The following SFMBT1 variants were observed in gnomAD, a reference collection of about 807,000 sequenced individuals.
The protein encoded by SFMBT1 is scm-like with four MBT domains protein 1.
SFMBT1 carries 32 observed loss-of-function variants against 108.7 expected under a neutral mutation model. The observed-to-expected ratio is 0.29, with a 90% CI of 0.22 to 0.40. The LOEUF (loss-of-function observed/expected upper bound fraction) is 0.40. Ranked by LOEUF, SFMBT1 falls within the 10% of genes least tolerant of loss-of-function variation. The pLI, the probability that SFMBT1 is intolerant of heterozygous loss-of-function variation, is 1.00. For missense variants in SFMBT1, 816 were observed against 1,059.6 expected, an observed-to-expected ratio of 0.77 and a Z score of 3.19; for synonymous variants, 348 against 369.5, an observed-to-expected ratio of 0.94 and a Z score of 0.67.
intron 5 of SFMBT1, among the ~76,000 whole-genome samples, chr3:52,934,325 CAA>C (rs961980397): frequency 1.1e-4 from 17 of 150,266 alleles, no homozygotes; most frequent in Admixed American, 8.0e-4. Flanking sequence ...TTCACAAAAT[CAA>C]GAGATCTATA....
chr3:52,928,653 T>TATATATAC (rs754706976), intron 8 of SFMBT1, among the ~76,000 whole-genome samples: 2 of 18,034 alleles, frequency 1.1e-4, no homozygotes, highest in African/African-American at 2.1e-4. Flanking sequence ...TATATATATA[T>TATATATAC]ACACATATAT....
intron 1 of SFMBT1, among the ~76,000 whole-genome samples, chr3:53,026,287 TAACATG>T (rs1417392224): frequency 6.6e-6 from 1 of 152,132 alleles, no homozygotes; most frequent in Non-Finnish European, 1.5e-5. Context: ...TCCAGTAAGT[TAACATG>T]AACTAAATTT....
At position 52,938,101 on chromosome 3, in the gene SFMBT1, C is replaced by T. The variant is rs891050662; in HGVS notation, c.365-3200G>A. On this transcript the variant is annotated intron_variant, in intron 4 of 20. Transcript: ENST00000394752. ...AAGTATCCTTTGTCAGCTATCAAGACTGACAGCTGGTTTCTTTTCTACTGG... is the reference window on the plus strand; with the variant it reads ...AAGTATCCTTTGTCAGCTATCAAGATTGACAGCTGGTTTCTTTTCTACTGG... Among the ~76,000 whole-genome samples the T allele has an allele frequency of 1.0e-3, 158 of 152,280 alleles. 1 individual carries two copies. Among genetic ancestry groups the T allele is most frequent in the African/African-American group, 3.7e-3 (152 of 41,576 alleles).
chr3:53,020,995 T>G (rs1254079607), intron 1 of SFMBT1, among the ~76,000 whole-genome samples: 1 of 152,072 alleles, frequency 6.6e-6, no homozygotes, highest in Non-Finnish European at 1.5e-5. Context: ...GAAGCAGAGG[T>G]TGCAGTGAGC....
chr3:52,906,359 G>T, intron 19 of SFMBT1, 118 bp from the exon 20 acceptor site: 1 of 1,484,552 alleles, frequency 6.7e-7, no homozygotes, highest in Non-Finnish European at 9.2e-7. Context: ...CTTAGGACAT[G>T]ATTTCTCCCA....
At chr3:53,038,718 T>C (rs1699941826) in intron 1 of SFMBT1, among the ~76,000 whole-genome samples, 1 of 152,188 alleles carries the variant, frequency 6.6e-6, no homozygotes, top group African/African-American at 2.4e-5. Context: ...AAATCTAAAA[T>C]ACAAAGCATT....
rs761393071 is a variant in SFMBT1 at position 52,996,576 on chromosome 3, G to T, written c.-130-27318C>A. Among the ~76,000 whole-genome samples the T allele has an allele frequency of 2.3e-4, 35 of 149,936 alleles. 3 individuals are homozygous for T. Among genetic ancestry groups the T allele is most frequent in the Non-Finnish European group, 4.2e-4 (28 of 66,942 alleles). On this transcript the variant is annotated intron_variant, in intron 1 of 20. Transcript: ENST00000394752. The stretch of plus-strand genomic sequence containing the variant: ...CTTCAGCAAAGAAAATATATGAATG[G>T]CAAGCACATGAAAAGATAATTAGTC...
chr3:52,962,778 G>A lies in SFMBT1; in HGVS notation c.28+6323C>T, dbSNP rs188712338. 9.7e-4 allele frequency among the ~76,000 whole-genome samples: 134 copies of A among 137,468 alleles called. 1 individual carries two copies. Among genetic ancestry groups the A allele is most frequent in the African/African-American group, 3.6e-3 (130 of 36,394 alleles). The allele number at this position is 137,468 out of a possible 152,430, so 90.2% of individuals were successfully genotyped here. The stretch of plus-strand genomic sequence containing the variant: ...GCCGAGGTTGTGCCACTGCACTACA[G>A]CCTGGGTGACAGAGCAAGGCTCCCT... On this transcript the variant is annotated intron_variant, in intron 2 of 20. Coordinates refer to ENST00000394752, the MANE Select transcript of SFMBT1 (RefSeq NM_016329.4).
At chr3:53,005,674 A>G (rs1419771151) in intron 1 of SFMBT1, among the ~76,000 whole-genome samples, 2 of 152,178 alleles carry the variant, frequency 1.3e-5, no homozygotes, top group African/African-American at 4.8e-5. Context: ...TAAAAGCAAA[A>G]ACATAGAGAT....
intron 1 of SFMBT1, among the ~76,000 whole-genome samples, chr3:52,971,124 A>T (rs950342960): frequency 1.3e-5 from 2 of 151,858 alleles, no homozygotes; most frequent in Admixed American, 1.3e-4. Flanking sequence ...CTGGGCAATG[A>T]GAGTGAAATC....
chr3:52,977,652 T>C (rs1704562761), intron 1 of SFMBT1, among the ~76,000 whole-genome samples: 1 of 152,248 alleles, frequency 6.6e-6, no homozygotes, highest in Non-Finnish European at 1.5e-5. Context: ...AAATAAGCTT[T>C]GGATTTGGAT....
chr3:52,926,583 G>A (rs1256475414), intron 9 of SFMBT1, among the ~76,000 whole-genome samples: 1 of 152,136 alleles, frequency 6.6e-6, no homozygotes, highest in Non-Finnish European at 1.5e-5. Flanking sequence ...CCTGAAATGT[G>A]TCTCAGATAT....
At chr3:52,957,595 T>C (rs931676510) in intron 2 of SFMBT1, among the ~76,000 whole-genome samples, 1 of 152,130 alleles carries the variant, frequency 6.6e-6, no homozygotes, top group Non-Finnish European at 1.5e-5. Flanking sequence ...GCATGATACT[T>C]GTACAAAAAC....
At chr3:52,946,228 G>A (rs958766808) in intron 3 of SFMBT1, among the ~76,000 whole-genome samples, 43 of 152,254 alleles carry the variant, frequency 2.8e-4, no homozygotes, top group Admixed American at 7.2e-4. Context: ...ATATACCAGA[G>A]AAGACTATGA....
At chr3:52,924,641 T>G (rs1405857935) in intron 10 of SFMBT1, among the ~76,000 whole-genome samples, 1 of 135,716 alleles carries the variant, frequency 7.4e-6, no homozygotes, top group Non-Finnish European at 1.6e-5. Flanking sequence ...AGATTCTGTC[T>G]AAGAAGAACA....
At chr3:53,010,741 T>C (rs1698914020) in intron 1 of SFMBT1, among the ~76,000 whole-genome samples, 2 of 152,200 alleles carry the variant, frequency 1.3e-5, no homozygotes, top group Non-Finnish European at 2.9e-5. Context: ...ACTTAACTTA[T>C]AAAACATGTT....
chr3:52,928,551 C>T (rs1236053879), intron 8 of SFMBT1: 1 of 315,452 alleles, frequency 3.2e-6, no homozygotes, highest in East Asian at 7.4e-5. Flanking sequence ...ATCTTAACAA[C>T]TGAATGAGGT....
intron 2 of SFMBT1, among the ~76,000 whole-genome samples, chr3:52,960,616 G>GATCT (rs35638922): frequency 0.66 from 99,074 of 150,592 alleles, 32,980 homozygotes; most frequent in South Asian, 0.84. Context: ...ATTATCATAT[G>GATCT]ATCTATCTAT....
At chr3:52,973,997 T>C (rs1704433947) in intron 1 of SFMBT1, among the ~76,000 whole-genome samples, 1 of 152,140 alleles carries the variant, frequency 6.6e-6, no homozygotes, top group South Asian at 2.1e-4. Context: ...GATGAGTGAT[T>C]ACATGGGGAA....
Sources: allele counts gnomAD v4.1 joint callset (sites outside exome capture counted in the v4.1 genomes callset), GRCh38; gene constraint gnomAD v4.1.1; transcripts MANE v1.5; gene names NCBI Gene and HGNC (gene_info 2026-07-23, HGNC 2026-07-21).